NEB: variants seen among roughly 807,000 people sequenced by gnomAD.
NEB encodes the protein nemaline myopathy type 2.
Under a neutral mutation model 952.2 loss-of-function variants are expected in NEB, and 512 were observed. That is an observed-to-expected ratio of 0.54 (90% CI 0.50 to 0.58). The LOEUF (loss-of-function observed/expected upper bound fraction) is 0.58. Ranked by LOEUF, NEB falls within the 20% of genes least tolerant of loss-of-function variation. The pLI, the probability that NEB is intolerant of heterozygous loss-of-function variation, is 0.00. For missense variants in NEB, 8,428 were observed against 9,231.1 expected, an observed-to-expected ratio of 0.91 and a Z score of 3.56; for synonymous variants, 2,900 against 3,149.8, an observed-to-expected ratio of 0.92 and a Z score of 2.66.
intron 152 of NEB, 34 bp downstream of exon 152, chr2:151,524,458 CTGGCATGCCTTGGCAATGGCTGT>C: frequency 6.2e-7 from 1 of 1,613,214 alleles, no homozygotes; most frequent in South Asian, 1.1e-5. Context: ...TGATGGTTGC[CTGGCATGCCTTGGCAATGGCTGT>C]TGGGGACTGG....
At chr2:151,500,146 C>A (rs1237636975) in intron 168 of NEB, among the ~76,000 whole-genome samples, 1 of 151,928 alleles carries the variant, frequency 6.6e-6, no homozygotes, top group African/African-American at 2.4e-5. Context: ...GACATATTAA[C>A]ATTGAAAATT....
At chr2:151,643,089 A>G in intron 58 of NEB, 61 bp downstream of exon 58, 2 of 1,492,838 alleles carry the variant, frequency 1.3e-6, no homozygotes, top group Non-Finnish European at 1.8e-6. Context: ...ATACAAACAG[A>G]CTTCAGTGTT....
At chr2:151,501,544 A>C (rs1338869930) in intron 167 of NEB, 61 bp from the exon 168 acceptor site, 23 of 892,606 alleles carry the variant, frequency 2.6e-5, no homozygotes, top group Non-Finnish European at 3.6e-5. Context: ...GGTAGACTTA[A>C]CCTAAAAAAA....
rs369273788 is a variant in NEB at position 151,684,881 on chromosome 2, A to C, written c.2732T>G (p.Ile911Ser). 1.2e-6 allele frequency: 2 copies of C among 1,613,298 alleles called. No homozygotes were observed. Among genetic ancestry groups the C allele is most frequent in the South Asian group, 2.2e-5 (2 of 90,902 alleles). ...GTGCTTATAATCAACGTCGCTGGCA[A>C]TTGCCTGAGATTTCTTAGCTTGAGT... ...QVTQAKKSQA[I>S]ASDVDYKHIL... The change falls in exon 28 of 182, where the codon ATT becomes AGT. Residue 911 changes from isoleucine (I) to serine (S), a missense_variant. Physicochemically the swap from Ile to Ser is moderately radical, Grantham distance 142 (BLOSUM62 -2). Transcript: ENST00000397345.
Position 151,663,611 on chromosome 2 carries a change from G to A in NEB, c.5700C>T (p.Tyr1900=), listed in dbSNP as rs768305618. The change falls in exon 45 of 182, where the codon TAC becomes TAT. Residue 1900 remains tyrosine (Y), a synonymous_variant. Transcript: ENST00000397345. The part of the protein sequence containing the change: ...NANYRNVIHT[Y]NMLPDAMSFE... ...AGCTCATGGCATCAGGAAGCATGTT[G>A]TAGGTATGGATCACGTTCCTGTAGT... is the stretch of plus-strand genomic sequence containing the variant. The A allele has an allele frequency of 6.2e-7, 1 of 1,612,616 alleles. No homozygotes were observed. The highest frequency in any genetic ancestry group is 8.5e-7 in the Non-Finnish European group (1 of 1,178,638).
In NEB at chr2:151,662,334, T is replaced by A; in HGVS notation, c.5771A>T (p.Tyr1924Phe). 6.4e-7 allele frequency: 1 copy of A among 1,568,930 alleles called. No homozygotes were observed. The highest frequency in any genetic ancestry group is 8.6e-7 in the Non-Finnish European group (1 of 1,156,102). Reference protein sequence around the residue: ...NMMQIQSDNQYKADYADFMKG... With the variant: ...NMMQIQSDNQFKADYADFMKG... ...CATGAAGTCAGCATAGTCAGCCTTG[T>A]ACTGATTCTGCAAAAGAGGAAAAAT... Residue 1924 changes from tyrosine (Y) to phenylalanine (F), a missense_variant, in exon 46 of 182, where the codon TAC becomes TTC. Tyr to Phe is a conservative substitution (Grantham distance 22, BLOSUM62 3). Transcript: ENST00000397345.
intron 129 of NEB, among the ~76,000 whole-genome samples, chr2:151,551,499 T>G (rs1195689701): frequency 6.6e-5 from 10 of 152,250 alleles, no homozygotes; most frequent in African/African-American, 2.4e-4. Flanking sequence ...TTGGCTTTCT[T>G]CTTTGTAACT....
At chr2:151,571,699 G>A (rs911388755) in intron 107 of NEB, among the ~76,000 whole-genome samples, 1 of 152,134 alleles carries the variant, frequency 6.6e-6, no homozygotes, top group East Asian at 1.9e-4. Flanking sequence ...TTTTAAAAAT[G>A]TATGTAAATA....
At chr2:151,642,513 A>G (rs965787101) in intron 60 of NEB, 61 bp downstream of exon 60, 1 of 1,400,860 alleles carries the variant, frequency 7.1e-7, no homozygotes, top group African/African-American at 1.4e-5. Context: ...CTATAAATCC[A>G]GGAGAGAGAA....
chr2:151,575,627 C>T (rs1043295822), intron 107 of NEB, 68 bp downstream of exon 107: 103 of 1,116,086 alleles, frequency 9.2e-5, no homozygotes, highest in Non-Finnish European at 1.3e-4. Flanking sequence ...TCCCTCCCTT[C>T]CATGCTCATA....
At chr2:151,727,299 G>A (rs10202662) in intron 5 of NEB, among the ~76,000 whole-genome samples, 15,869 of 152,004 alleles carry the variant, frequency 0.1, 1,094 homozygotes, top group African/African-American at 0.19. Context: ...CTTTTTATAT[G>A]CTGTTAGCTA....
At chr2:151,517,276 C>T (rs553757153) in intron 156 of NEB, among the ~76,000 whole-genome samples, 6 of 152,280 alleles carry the variant, frequency 3.9e-5, no homozygotes, top group African/African-American at 1.2e-4. Context: ...GAAAAACAGG[C>T]GAAGACCCTC....
chr2:151,673,650 C>G (rs976390220), intron 36 of NEB, among the ~76,000 whole-genome samples: 13 of 151,690 alleles, frequency 8.6e-5, no homozygotes, highest in Non-Finnish European at 1.2e-4. Flanking sequence ...TCTCTTTTCT[C>G]AAACCAAGAT....
rs762124925 is a variant in NEB, at chr2:151,656,483, T to C, written c.6184-19A>G. The C allele has an allele frequency of 9.5e-5, 145 of 1,533,886 alleles. No individual in the cohort carries two copies. Among genetic ancestry groups the C allele is most frequent in the Non-Finnish European group, 1.2e-4 (137 of 1,127,606 alleles). ...ATTTATACTGTGAAGAAAATATGAG[T>C]TTTTACACAGAGCAATTCCTTTGAC... On this transcript the variant is annotated intron_variant, in intron 48 of 181. Coordinates refer to ENST00000397345, the MANE Select transcript of NEB (RefSeq NM_001164508.2).
chr2:151,535,048 A>G (rs1239853963), intron 142 of NEB, among the ~76,000 whole-genome samples: 2 of 152,244 alleles, frequency 1.3e-5, no homozygotes, highest in African/African-American at 2.4e-5. Context: ...AACTTTAACT[A>G]TAAAACCATC....
At chr2:151,644,974 T>C (rs927928599) in intron 55 of NEB, among the ~76,000 whole-genome samples, 5 of 152,194 alleles carry the variant, frequency 3.3e-5, no homozygotes, top group African/African-American at 1.2e-4. Context: ...CTGTAGAGCA[T>C]GTTAGTGTAG....
chr2:151,640,814 T>C, intron 60 of NEB, 148 bp from the exon 61 acceptor site: 1 of 673,472 alleles, frequency 1.5e-6, no homozygotes, highest in Non-Finnish European at 2.4e-6. Flanking sequence ...AGAAAATAAA[T>C]ATAGCACATA....
In NEB at chr2:151,636,229, C is replaced by T; in HGVS notation, c.9100G>A (p.Asp3034Asn). The change falls in exon 64 of 182, where the codon GAC (aspartate) becomes AAC (asparagine). Residue 3034 changes from aspartate (D) to asparagine (N), a missense_variant and splice_region_variant. Asp to Asn is a conservative substitution (Grantham distance 23). Around this residue, in one of 11 missense-constraint regions of NEB, gnomAD observed 1,772 missense variants for 1,960.3 expected, o/e 0.90. Coordinates refer to ENST00000397345, the MANE Select transcript of NEB (RefSeq NM_001164508.2). ...TCAGAATGGAATTGACAACTCACGT[C>T]ACTGATGATGTCCCTGGAGGCCTTG... ...AAKASRDIISDYKYKDGYCKQ... is the reference protein window; with the variant it reads ...AAKASRDIISNYKYKDGYCKQ... 6.2e-7 allele frequency: 1 copy of T among 1,606,878 alleles called. No homozygotes were observed. Among genetic ancestry groups the T allele is most frequent in the Non-Finnish European group, 8.5e-7 (1 of 1,178,096 alleles).
At chr2:151,552,524 C>T (rs778626394) in intron 128 of NEB, 148 bp downstream of exon 128, 16 of 585,134 alleles carry the variant, frequency 2.7e-5, no homozygotes, top group Non-Finnish European at 4.9e-5. Flanking sequence ...CAATAGCCAG[C>T]AGCATCTTCA....
Sources: allele counts gnomAD v4.1 joint callset (sites outside exome capture counted in the v4.1 genomes callset), GRCh38; gene constraint gnomAD v4.1.1; regional missense constraint gnomAD v4.1.1; transcripts MANE v1.5; gene names NCBI Gene and HGNC (gene_info 2026-07-23, HGNC 2026-07-21).